SCAF11: variants seen among roughly 807,000 people sequenced by gnomAD.
The protein encoded by SCAF11 is protein SCAF11.
A neutral mutation model predicts 140.5 loss-of-function variants in SCAF11; 47 were observed. That is an observed-to-expected ratio of 0.33 (90% CI 0.26 to 0.43). SCAF11 has a LOEUF of 0.43. Ranked by LOEUF, SCAF11 falls within the 20% of genes least tolerant of loss-of-function variation. The pLI is 1.00. For synonymous variants in SCAF11, 557 were observed against 579.4 expected (o/e 0.96, Z 0.55); for missense variants, 1,645 against 1,705.1 (o/e 0.96, Z 0.62).
chr12:45,962,787 G>T (rs1025998085), intron 2 of SCAF11, among the ~76,000 whole-genome samples: 3 of 152,104 alleles, frequency 2.0e-5, no homozygotes, highest in African/African-American at 7.2e-5. Flanking sequence ...TTTTAAATGG[G>T]GCTAAAGAGG....
chr12:45,922,850 T>C, intron 13 of SCAF11, 86 bp downstream of exon 13: 7 of 1,253,190 alleles, frequency 5.6e-6, no homozygotes, highest in Non-Finnish European at 8.1e-6. Flanking sequence ...AGAAATTCCC[T>C]TCACCACTCA....
At chr12:45,944,471 A>G (rs971511005) in intron 6 of SCAF11, among the ~76,000 whole-genome samples, 21 of 152,230 alleles carry the variant, frequency 1.4e-4, no homozygotes, top group Non-Finnish European at 2.8e-4. Flanking sequence ...GAAGTTATTC[A>G]CTTTTTAAAA....
Position 45,926,162 on chromosome 12 carries a change from T to C in SCAF11, c.3539A>G (p.Glu1180Gly), listed in dbSNP as rs1369448754. The change falls in exon 11 of 15, where the codon GAG becomes GGG. Residue 1180 changes from glutamate (E) to glycine (G), a missense_variant. By Grantham distance (98) the Glu-to-Gly change is moderately conservative (BLOSUM62 -2). Coordinates refer to ENST00000369367, the MANE Select transcript of SCAF11 (RefSeq NM_004719.3). The part of the protein sequence containing the change: ...SGPQSGWMKQ[E>G]EETSGQDSSL... ...ATTACCCTGTCCAGATGTTTCCTCCTCTTGTTTCATCCATCCAGACTGTGG... is the reference window on the plus strand; with the variant it reads ...ATTACCCTGTCCAGATGTTTCCTCCCCTTGTTTCATCCATCCAGACTGTGG... The C allele has an allele frequency of 6.2e-7, 1 of 1,609,782 alleles. No individual in the cohort carries two copies.
intron 6 of SCAF11, among the ~76,000 whole-genome samples, chr12:45,939,395 T>A (rs538852018): frequency 6.6e-6 from 1 of 152,142 alleles, no homozygotes; most frequent in East Asian, 1.9e-4. Flanking sequence ...CACAAAACTT[T>A]AAGAAATTAA....
intron 3 of SCAF11, among the ~76,000 whole-genome samples, chr12:45,952,823 T>C (rs183245692): frequency 1.3e-5 from 2 of 152,306 alleles, no homozygotes; most frequent in African/African-American, 4.8e-5. Flanking sequence ...AACAATCTAA[T>C]AGCAATAGTC....
At position 45,921,704 on chromosome 12, in the gene SCAF11, A is replaced by T. The variant is rs919737079; in HGVS notation, c.*344T>A. The T allele has an allele frequency of 5.8e-5, 10 of 172,210 alleles. No homozygotes were observed. The highest frequency in any genetic ancestry group is 2.4e-4 in the African/African-American group (10 of 42,226). The allele number at this position is 172,210 out of a possible 1,614,324, so 10.7% of individuals were successfully genotyped here. A position where few individuals can be genotyped will look rare whatever the true frequency, so the allele number is the denominator to read the frequency against. On this transcript the variant is annotated 3_prime_UTR_variant, in exon 15 of 15. Coordinates refer to ENST00000369367, the MANE Select transcript of SCAF11 (RefSeq NM_004719.3). The stretch of plus-strand genomic sequence containing the variant: ...CATTATATATATCTCTTTGAAAACC[A>T]GTGCACTTAGAAGTTTCTAATTTAT...
At position 45,960,410 on chromosome 12, in the gene SCAF11, A is replaced by T. The variant is rs1451580958; in HGVS notation, c.219+1290T>A. Reference sequence around the variant, plus strand: ...CAATATTATTTCTTTACCCAAAGCAAAATCTCTAAAAAAATTTAACCACAA... The same window carrying T: ...CAATATTATTTCTTTACCCAAAGCATAATCTCTAAAAAAATTTAACCACAA... On this transcript the variant is annotated intron_variant, in intron 3 of 14. Transcript: ENST00000369367. 3 of 152,102 alleles carry T rather than the reference A, an allele frequency of 2.0e-5. No homozygotes were observed. In the South Asian group the frequency reaches 6.2e-4, roughly 31 times the overall value. 9.4% of individuals were successfully genotyped at this position (152,102 alleles called of 1,614,324 possible).
At chr12:45,958,613 T>A (rs1025384434) in intron 3 of SCAF11, among the ~76,000 whole-genome samples, 1 of 152,174 alleles carries the variant, frequency 6.6e-6, no homozygotes, top group Non-Finnish European at 1.5e-5. Flanking sequence ...AATCAACAGG[T>A]TTACCATCTA....
In SCAF11 at chr12:45,927,197, G is replaced by C. The variant is rs184088063; in HGVS notation, c.2504C>G (p.Pro835Arg). 6.2e-7 allele frequency: 1 copy of C among 1,613,974 alleles called. No individual in the cohort carries two copies. Among genetic ancestry groups the C allele is most frequent in the Non-Finnish European group, 8.5e-7 (1 of 1,180,016 alleles). ...CCGGCCTCTGGCTGACTCATTCTTA[G>C]GAGATGGTGATTGAGACTTCCTGCT... ...KESRKSQSPSPKNESARGRKK... is the reference protein window; with the variant it reads ...KESRKSQSPSRKNESARGRKK... Residue 835 changes from proline (P) to arginine (R), a missense_variant, in exon 11 of 15, where the codon CCT becomes CGT. Transcript: ENST00000369367.
chr12:45,926,528 G>C lies in SCAF11; in HGVS notation c.3173C>G (p.Ser1058Cys). ...EENRNENSGN[S>C]WNKNFGSGWV... ...ACCAGAACCAAAGTTTTTATTCCAA[G>C]AATTTCCTGAATTTTCATTTCTATT... The change falls in exon 11 of 15, where the codon TCT (serine) becomes TGT (cysteine). Residue 1058 changes from serine (S) to cysteine (C), a missense_variant. Transcript: ENST00000369367. 1 of 1,612,930 alleles carries C rather than the reference G, an allele frequency of 6.2e-7. No homozygotes were observed. The highest frequency in any genetic ancestry group is 8.5e-7 in the Non-Finnish European group (1 of 1,179,784).
At chr12:45,950,481 C>T (rs1945524369) in intron 4 of SCAF11, among the ~76,000 whole-genome samples, 1 of 152,096 alleles carries the variant, frequency 6.6e-6, no homozygotes, top group Non-Finnish European at 1.5e-5. Flanking sequence ...CATAATTTCA[C>T]AGAAAAATAT....
In SCAF11 at chr12:45,928,755, T is replaced by C. The variant is rs145470245; in HGVS notation, c.946A>G (p.Met316Val). Residue 316 changes from methionine to valine, a missense_variant, in exon 11 of 15, where the codon ATG becomes GTG. Physicochemically the swap from Met to Val is conservative, Grantham distance 21. This residue lies in a region of SCAF11 where 1,582 missense variants were observed against 1,609.2 expected (regional missense o/e 0.98). Transcript: ENST00000369367. ...GTAGACCTCCTTGTAGGAGTTGTCA[T>C]TGCAGGTTTTCGTCTTGATCCTCTG... ...NTRGSRRKPAMTTPTRRSTRN... is the reference protein window; with the variant it reads ...NTRGSRRKPAVTTPTRRSTRN... 1.1e-4 allele frequency: 182 copies of C among 1,614,038 alleles called. No homozygotes were observed. In the South Asian group the frequency reaches 1.2e-3, roughly 11 times the overall value.
chr12:45,934,071 G>A, intron 8 of SCAF11, 105 bp downstream of exon 8: 1 of 597,034 alleles, frequency 1.7e-6, no homozygotes, highest in Non-Finnish European at 2.7e-6. Flanking sequence ...CAACCAGGTG[G>A]GCCTTTCAGT....
At chr12:45,976,656 GAACA>G (rs1565691926) in intron 1 of SCAF11, among the ~76,000 whole-genome samples, 1 of 151,942 alleles carries the variant, frequency 6.6e-6, no homozygotes, top group African/African-American at 2.4e-5. Context: ...AAAACAGAGG[GAACA>G]AACAGAAAAT....
chr12:45,970,748 A>T (rs1307504272), intron 1 of SCAF11, among the ~76,000 whole-genome samples: 1 of 152,262 alleles, frequency 6.6e-6, no homozygotes, highest in African/African-American at 2.4e-5. Context: ...TTATCCTATT[A>T]TCTTGTGCTT....
At position 45,926,834 on chromosome 12, in the gene SCAF11, C is replaced by G; in HGVS notation, c.2867G>C (p.Arg956Thr). ...RTKSKSSSFG[R>T]IDRDSYSPRW... ...GGGAGAGTAACTATCTCTGTCAATTCTACCAAATGATGAACTCTTACTTTT... is the reference window on the plus strand; with the variant it reads ...GGGAGAGTAACTATCTCTGTCAATTGTACCAAATGATGAACTCTTACTTTT... The change falls in exon 11 of 15, where the codon AGA (arginine) becomes ACA (threonine). Residue 956 changes from arginine to threonine, a missense_variant. Transcript: ENST00000369367. 2 of 1,614,170 alleles carry G rather than the reference C, an allele frequency of 1.2e-6. No homozygotes were observed. Among genetic ancestry groups the G allele is most frequent in the Non-Finnish European group, 1.7e-6 (2 of 1,180,034 alleles).
chr12:45,975,998 G>A (rs867185953), intron 1 of SCAF11, among the ~76,000 whole-genome samples: 16 of 152,082 alleles, frequency 1.1e-4, no homozygotes, highest in African/African-American at 3.6e-4. Flanking sequence ...TTGGAAAAAC[G>A]GTGGCAAACC....
chr12:45,921,932 AT>A lies in SCAF11; in HGVS notation c.*115del, dbSNP rs1488883037. 5.7e-6 allele frequency: 7 copies of A among 1,232,280 alleles called. No homozygotes were observed. The highest frequency in any genetic ancestry group is 7.9e-6 in the Non-Finnish European group (7 of 886,150). 76.3% of individuals were successfully genotyped at this position (1,232,280 alleles called of 1,614,324 possible). Reference sequence around the variant, plus strand: ...AAACATCATATCCTATGTTAAAAAAATAATTTTATCAAAACCAAATTTCAAT... The same window carrying A: ...AAACATCATATCCTATGTTAAAAAAAAATTTTATCAAAACCAAATTTCAAT... On this transcript the variant is annotated 3_prime_UTR_variant, in exon 15 of 15. Transcript: ENST00000369367.
intron 1 of SCAF11, chr12:45,974,295 A>G: frequency 4.3e-6 from 2 of 462,206 alleles, no homozygotes; most frequent in Non-Finnish European, 8.9e-6. Flanking sequence ...CTGACTAATC[A>G]CAGGATGGTA....
Sources: gnomAD v4.1 joint callset for allele counts (sites outside exome capture counted in the v4.1 genomes callset) on GRCh38, gnomAD v4.1.1 for gene constraint, gnomAD v4.1.1 regional missense constraint, MANE v1.5 for transcripts, NCBI Gene and HGNC (gene_info 2026-07-23, HGNC 2026-07-21) for gene names.